DLG2: variants seen among roughly 807,000 people sequenced by gnomAD.
DLG2 encodes the protein discs large MAGUK scaffold protein 2.
In DLG2, 45 loss-of-function variants were observed where a neutral mutation model predicts 132.5. The observed-to-expected ratio is 0.34, with a 90% CI of 0.27 to 0.44. DLG2 has a LOEUF of 0.44. Among genes scored for constraint, DLG2 ranks in the 20% least tolerant of loss-of-function variants. The pLI is 1.00. For missense variants in DLG2, 1,045 were observed against 1,196.9 expected (o/e 0.87, Z 1.87); for synonymous variants, 424 against 419.6 (o/e 1.01, Z -0.13).
intron 19 of DLG2, among the ~76,000 whole-genome samples, chr11:83,613,729 C>A (rs2060424292): frequency 2.0e-5 from 3 of 152,046 alleles, no homozygotes; most frequent in African/African-American, 7.2e-5. Context: ...TTATTTTCAG[C>A]TTAAACATGA....
intron 6 of DLG2, among the ~76,000 whole-genome samples, chr11:84,904,450 C>A (rs2091271820): frequency 6.6e-6 from 1 of 152,152 alleles, no homozygotes; most frequent in Non-Finnish European, 1.5e-5. Flanking sequence ...CCTCCGTTTA[C>A]TTTTTCAGAT....
chr11:85,431,414 C>G (rs1488068924), intron 3 of DLG2, among the ~76,000 whole-genome samples: 1 of 152,200 alleles, frequency 6.6e-6, no homozygotes, highest in Non-Finnish European at 1.5e-5. Context: ...ACCCATGGAT[C>G]AGAAGATCCC....
intron 6 of DLG2, among the ~76,000 whole-genome samples, chr11:84,972,089 A>AAC (rs139830122): frequency 6.6e-6 from 1 of 151,970 alleles, no homozygotes; most frequent in Non-Finnish European, 1.5e-5. Context: ...GATGCCACAC[A>AAC]ACACACACAC....
At chr11:84,307,901 G>A (rs2098242590) in intron 7 of DLG2, among the ~76,000 whole-genome samples, 1 of 152,030 alleles carries the variant, frequency 6.6e-6, no homozygotes, top group African/African-American at 2.4e-5. Flanking sequence ...CGGCGCGTCT[G>A]GAGTTGTTCG....
intron 16 of DLG2, among the ~76,000 whole-genome samples, chr11:83,871,128 A>G (rs1284458537): frequency 6.6e-6 from 1 of 152,186 alleles, no homozygotes; most frequent in African/African-American, 2.4e-5. Context: ...TTTTAAACAA[A>G]TATTATTATC....
At chr11:85,587,307 C>T (rs2079033380) in intron 3 of DLG2, among the ~76,000 whole-genome samples, 1 of 152,054 alleles carries the variant, frequency 6.6e-6, no homozygotes, top group Non-Finnish European at 1.5e-5. Flanking sequence ...ATTGAAGTCC[C>T]CCACTATTAT....
intron 7 of DLG2, among the ~76,000 whole-genome samples, chr11:84,503,147 G>T (rs960019649): frequency 1.3e-5 from 2 of 152,138 alleles, no homozygotes; most frequent in African/African-American, 4.8e-5. Context: ...AAAAGTGAGA[G>T]CAAGAGGTAA....
chr11:84,242,859 T>C (rs999152564), intron 8 of DLG2, among the ~76,000 whole-genome samples: 2 of 152,090 alleles, frequency 1.3e-5, no homozygotes, highest in African/African-American at 4.8e-5. Flanking sequence ...AGGGATCATG[T>C]CTCCATGTGA....
intron 6 of DLG2, among the ~76,000 whole-genome samples, chr11:84,952,297 GCA>G (rs1240911498): frequency 6.6e-6 from 1 of 152,184 alleles, no homozygotes; most frequent in Non-Finnish European, 1.5e-5. Context: ...TGTAATCCCA[GCA>G]CTTTGGGAGG....
chr11:85,005,367 T>A (rs1437220386), intron 6 of DLG2, among the ~76,000 whole-genome samples: 1 of 152,218 alleles, frequency 6.6e-6, no homozygotes, highest in Non-Finnish European at 1.5e-5. Flanking sequence ...GAGCATGGAA[T>A]GTGTTTCCAT....
intron 7 of DLG2, among the ~76,000 whole-genome samples, chr11:84,521,989 C>T (rs1463940479): frequency 1.3e-5 from 2 of 151,826 alleles, no homozygotes; most frequent in East Asian, 2.0e-4. Context: ...GATGAAACCC[C>T]GTCTCTAGTC....
At chr11:85,181,198 A>ATATATGTATATGTATATG (rs755427341) in intron 4 of DLG2, among the ~76,000 whole-genome samples, 1 of 151,354 alleles carries the variant, frequency 6.6e-6, no homozygotes. Context: ...TTCTCTCCAT[A>ATATATGTATATGTATATG]TATATGTATA....
chr11:84,679,032 T>C (rs1378099596), intron 6 of DLG2, among the ~76,000 whole-genome samples: 1 of 152,088 alleles, frequency 6.6e-6, no homozygotes, highest in East Asian at 1.9e-4. Context: ...TTGTTACAAA[T>C]GGCTGTTAAG....
intron 6 of DLG2, among the ~76,000 whole-genome samples, chr11:85,102,038 A>G (rs1255790244): frequency 6.6e-6 from 1 of 152,048 alleles, no homozygotes; most frequent in Non-Finnish European, 1.5e-5. Context: ...TCAACACTCC[A>G]ATACTGTCAA....
At chr11:85,616,701 AAATTTTCCCAGCTGAAG>A (rs2081361914) in intron 2 of DLG2, among the ~76,000 whole-genome samples, 1 of 152,164 alleles carries the variant, frequency 6.6e-6, no homozygotes, top group Admixed American at 6.5e-5. Flanking sequence ...GCGTAGAAAA[AAATTTTCCCAGCTGAAG>A]AAAACATAAA....
intron 6 of DLG2, among the ~76,000 whole-genome samples, chr11:84,998,673 T>C (rs112065239): frequency 2.6e-5 from 4 of 152,274 alleles, no homozygotes; most frequent in African/African-American, 9.6e-5. Flanking sequence ...TGTCCTTTTA[T>C]ACCTTCCAAG....
chr11:84,838,629 A>G (rs151237295), intron 6 of DLG2, among the ~76,000 whole-genome samples: 3 of 151,942 alleles, frequency 2.0e-5, no homozygotes, highest in African/African-American at 7.2e-5. Flanking sequence ...AAGGAAATGT[A>G]TATAAGAATG....
chr11:84,060,768 T>C (rs1406036934), intron 10 of DLG2, among the ~76,000 whole-genome samples: 1 of 152,184 alleles, frequency 6.6e-6, no homozygotes, highest in Non-Finnish European at 1.5e-5. Flanking sequence ...ATCACCATGT[T>C]GCTCAGAGTC....
intron 27 of DLG2, among the ~76,000 whole-genome samples, chr11:83,460,711 C>G (rs2089741541): frequency 6.6e-6 from 1 of 152,124 alleles, no homozygotes; most frequent in Non-Finnish European, 1.5e-5. Context: ...AAATAAATTA[C>G]TACTGAAAGA....
Sources: allele counts gnomAD v4.1 joint callset (sites outside exome capture counted in the v4.1 genomes callset), GRCh38; gene constraint gnomAD v4.1.1; transcripts MANE v1.5; gene names NCBI Gene and HGNC (gene_info 2026-07-23, HGNC 2026-07-21).